ERBB4: variants seen among roughly 807,000 people sequenced by gnomAD.
ERBB4 encodes the protein erb-b2 receptor tyrosine kinase 4.
Under a neutral mutation model 158.0 loss-of-function variants are expected in ERBB4, and 42 were observed. The ratio of observed to expected loss-of-function variants is 0.27; its 90% CI spans 0.21 to 0.34. The LOEUF is 0.34. ERBB4 is among the 10% of genes least tolerant of loss of function. ERBB4 has a pLI of 1.00. For missense variants in ERBB4, 1,333 were observed against 1,624.1 expected, an observed-to-expected ratio of 0.82 and a Z score of 3.08; for synonymous variants, 583 against 558.7, an observed-to-expected ratio of 1.04 and a Z score of -0.61.
intron 3 of ERBB4, among the ~76,000 whole-genome samples, chr2:211,862,617 T>C (rs116212004): frequency 0.011 from 1,611 of 152,314 alleles, 31 homozygotes; most frequent in African/African-American, 0.036. Context: ...AAGGAACTTT[T>C]AGAATAGGTG....
At chr2:211,543,306 A>G (rs546106435) in intron 20 of ERBB4, among the ~76,000 whole-genome samples, 3 of 152,128 alleles carry the variant, frequency 2.0e-5, no homozygotes, top group South Asian at 4.1e-4. Context: ...AGTCTTTATT[A>G]TAATTCTCCC....
intron 3 of ERBB4, among the ~76,000 whole-genome samples, chr2:211,851,814 G>C (rs55705050): frequency 6.6e-6 from 1 of 151,660 alleles, no homozygotes; most frequent in Non-Finnish European, 1.5e-5. Flanking sequence ...TTCTTGAGAA[G>C]AGTTTCTCAA....
intron 3 of ERBB4, among the ~76,000 whole-genome samples, chr2:211,826,069 G>A (rs960705246): frequency 6.6e-6 from 1 of 151,364 alleles, no homozygotes; most frequent in Non-Finnish European, 1.5e-5. Flanking sequence ...AATTTACAAT[G>A]AGCTTTTGGG....
intron 2 of ERBB4, among the ~76,000 whole-genome samples, chr2:212,043,557 C>T (rs2077189130): frequency 6.6e-6 from 1 of 150,550 alleles, no homozygotes; most frequent in South Asian, 2.1e-4. Context: ...TAATGTGACA[C>T]TCTCACTTCA....
intron 2 of ERBB4, among the ~76,000 whole-genome samples, chr2:212,123,767 C>T (rs572389148): frequency 5.3e-4 from 80 of 152,214 alleles, no homozygotes; most frequent in African/African-American, 1.5e-3. Flanking sequence ...CTCCTTTTCA[C>T]GACTTATCTA....
rs145935453 is a variant in ERBB4, at chr2:211,624,936, G to T, written c.2080-892C>A. Among the ~76,000 whole-genome samples, 190 of 152,130 alleles carry T rather than the reference G, an allele frequency of 1.2e-3. 1 individual carries two copies. Among genetic ancestry groups the T allele is most frequent in the Admixed American group, 2.4e-3 (36 of 15,290 alleles). Reference sequence around the variant, plus strand: ...CGGTGGGAAACCTACATAATCACAGGGGGGGCTGGGTGTGGCCAAAGTAGT... The same window carrying T: ...CGGTGGGAAACCTACATAATCACAGTGGGGGCTGGGTGTGGCCAAAGTAGT... On this transcript the variant is annotated intron_variant, in intron 17 of 27. Coordinates refer to ENST00000342788, the MANE Select transcript of ERBB4 (RefSeq NM_005235.3).
chr2:211,956,535 C>A (rs188883173), intron 2 of ERBB4, among the ~76,000 whole-genome samples: 1 of 151,880 alleles, frequency 6.6e-6, no homozygotes, highest in Non-Finnish European at 1.5e-5. Flanking sequence ...ATTGACCTTG[C>A]GCAAATTATT....
At chr2:211,828,206 A>G (rs978662235) in intron 3 of ERBB4, among the ~76,000 whole-genome samples, 1 of 152,216 alleles carries the variant, frequency 6.6e-6, no homozygotes, top group African/African-American at 2.4e-5. Flanking sequence ...TCAGTGTTCT[A>G]TCAGTATTTC....
At chr2:212,242,304 T>C (rs1345626082) in intron 1 of ERBB4, among the ~76,000 whole-genome samples, 3 of 152,038 alleles carry the variant, frequency 2.0e-5, no homozygotes, top group Admixed American at 2.0e-4. Context: ...GTTATAATTT[T>C]AAAATATCTT....
At chr2:211,580,897 ATATAT>A (rs2068082375) in intron 19 of ERBB4, among the ~76,000 whole-genome samples, 1 of 8,486 alleles carries the variant, frequency 1.2e-4, no homozygotes, top group Non-Finnish European at 3.6e-4. Flanking sequence ...ATATATATAT[ATATAT>A]ATATATATAT....
chr2:212,320,964 T>C (rs1198011260), intron 1 of ERBB4, among the ~76,000 whole-genome samples: 1 of 150,328 alleles, frequency 6.7e-6, no homozygotes, highest in Non-Finnish European at 1.5e-5. Context: ...TTGTTGTTTT[T>C]ATATTTTTAT....
chr2:212,395,915 C>A (rs2091012953), intron 1 of ERBB4, among the ~76,000 whole-genome samples: 1 of 152,070 alleles, frequency 6.6e-6, no homozygotes, highest in Non-Finnish European at 1.5e-5. Context: ...CCACGCCCAG[C>A]CAGCTATACT....
chr2:211,928,919 C>T (rs2080092859), intron 3 of ERBB4, among the ~76,000 whole-genome samples: 1 of 152,168 alleles, frequency 6.6e-6, no homozygotes, highest in Non-Finnish European at 1.5e-5. Flanking sequence ...AGCCTGATTT[C>T]AACCTTTAAT....
intron 25 of ERBB4, among the ~76,000 whole-genome samples, chr2:211,391,288 C>T (rs538594955): frequency 1.5e-4 from 23 of 152,298 alleles, no homozygotes; most frequent in African/African-American, 4.8e-4. Context: ...AAGATCCTCA[C>T]AGCAGTCAAA....
In ERBB4 at chr2:212,406,325, G is replaced by A. The variant is rs528395746; in HGVS notation, c.82+132124C>T. Among the ~76,000 whole-genome samples, 3 of 152,162 alleles carry A rather than the reference G, an allele frequency of 2.0e-5. No homozygotes were observed. In the South Asian group the frequency reaches 6.2e-4, roughly 32 times the overall value. ...CGAAATACAAAGAAGAACTCCTTGA[G>A]AGTCTAAAGGAGACTACAAAAATCG... On this transcript the variant is annotated intron_variant, in intron 1 of 27. Transcript: ENST00000342788.
intron 4 of ERBB4, among the ~76,000 whole-genome samples, chr2:211,755,936 A>G (rs1168036264): frequency 6.6e-6 from 1 of 152,118 alleles, no homozygotes; most frequent in African/African-American, 2.4e-5. Flanking sequence ...ACATCCCTGG[A>G]TTTTTCTTTT....
At chr2:211,428,126 G>T (rs1374392240) in intron 22 of ERBB4, among the ~76,000 whole-genome samples, 1 of 151,874 alleles carries the variant, frequency 6.6e-6, no homozygotes, top group African/African-American at 2.4e-5. Context: ...AAACCTAGAT[G>T]ACGGGTTGAT....
intron 1 of ERBB4, among the ~76,000 whole-genome samples, chr2:212,529,155 C>T (rs1692609589): frequency 6.6e-6 from 1 of 152,142 alleles, no homozygotes; most frequent in South Asian, 2.1e-4. Context: ...TATATTTCCT[C>T]TTCAGTTCCT....
chr2:211,934,758 A>G (rs1041743089), intron 3 of ERBB4, among the ~76,000 whole-genome samples: 2 of 151,942 alleles, frequency 1.3e-5, no homozygotes, highest in African/African-American at 2.4e-5. Flanking sequence ...CTCTGTTATT[A>G]TACTTTATTA....
Sources: allele counts gnomAD v4.1 joint callset (sites outside exome capture counted in the v4.1 genomes callset), GRCh38; gene constraint gnomAD v4.1.1; transcripts MANE v1.5; gene names NCBI Gene and HGNC (gene_info 2026-07-23, HGNC 2026-07-21).